Variants in RALGPS1 observed in about 807,000 individuals in gnomAD.
RALGPS1 encodes the protein ras-specific guanine nucleotide-releasing factor RalGPS1.
In RALGPS1, 19 loss-of-function variants were observed where a neutral mutation model predicts 78.8. The observed-to-expected ratio is 0.24, with a 90% confidence interval of 0.17 to 0.35. The LOEUF is 0.35. RALGPS1 is among the 10% of genes least tolerant of loss of function. The probability of loss-of-function intolerance (pLI) is 1.00; values close to 1 mark genes in which losing one functional copy is unlikely to be tolerated. For missense variants in RALGPS1, 454 were observed against 688.3 expected (o/e 0.66, Z 3.81); for synonymous variants, 228 against 256.3 (o/e 0.89, Z 1.06).
At chr9:127,028,673 A>G (rs935949321) in intron 4 of RALGPS1, among the ~76,000 whole-genome samples, 11 of 152,196 alleles carry the variant, frequency 7.2e-5, no homozygotes, top group Non-Finnish European at 1.2e-4. Flanking sequence ...CCCTTTGAGC[A>G]TTATTTAATT....
intron 4 of RALGPS1, among the ~76,000 whole-genome samples, chr9:127,019,163 G>A (rs1009867705): frequency 6.6e-6 from 1 of 152,116 alleles, no homozygotes; most frequent in African/African-American, 2.4e-5. Flanking sequence ...AAGGTCCATT[G>A]TATGTAATGA....
At chr9:127,157,715 AG>A (rs1327627415) in intron 8 of RALGPS1, among the ~76,000 whole-genome samples, 1 of 152,116 alleles carries the variant, frequency 6.6e-6, no homozygotes, top group Admixed American at 6.5e-5. Flanking sequence ...TTATTCTAAT[AG>A]TTTTTCAGTT....
In RALGPS1 at chr9:127,218,544, G is replaced by A. The variant is rs1554882901; in HGVS notation, c.1645-196G>A. On this transcript the variant is annotated intron_variant, in intron 18 of 18. Coordinates refer to ENST00000259351, the MANE Select transcript of RALGPS1 (RefSeq NM_014636.3). This position sits in a 1 kb window ranked among gnomAD's most constrained non-coding sequence, Gnocchi z 4.4. ...AGGACTCAAGAACGCAGTGCATGCG[G>A]TGGATTCAGAGCAGTGCCTGGCACG... Among the ~76,000 whole-genome samples, 1 of 152,196 alleles carries A rather than the reference G, an allele frequency of 6.6e-6. No homozygotes were observed. The highest frequency in any genetic ancestry group is 1.5e-5 in the Non-Finnish European group (1 of 68,040).
chr9:126,959,655 G>A (rs1459575508), intron 1 of RALGPS1, among the ~76,000 whole-genome samples: 1 of 151,244 alleles, frequency 6.6e-6, no homozygotes, highest in Non-Finnish European at 1.5e-5. Context: ...GCAGAGACTG[G>A]TACAATGAAC....
intron 7 of RALGPS1, 116 bp downstream of exon 7, chr9:127,053,055 A>G: frequency 1.3e-6 from 1 of 759,504 alleles, no homozygotes; most frequent in Admixed American, 2.1e-5. Context: ...CAACAGAGTT[A>G]CTATGAGTTG....
At chr9:127,123,586 A>C (rs1258929385) in intron 8 of RALGPS1, among the ~76,000 whole-genome samples, 1 of 152,122 alleles carries the variant, frequency 6.6e-6, no homozygotes, top group Non-Finnish European at 1.5e-5. Flanking sequence ...TTTTCATCAA[A>C]ATGTGACCTC....
Position 127,078,683 on chromosome 9 carries a change from T to C in RALGPS1, c.610+9327T>C, listed in dbSNP as rs536043409. On this transcript the variant is annotated intron_variant, in intron 8 of 18. Transcript: ENST00000259351. ...GGCAAAGGGAGGATCTGCAGTCAGC[T>C]TTTCTCTGGGTCAAGAAGTTGTGTC... Among the ~76,000 whole-genome samples, 10 of 152,284 alleles carry C rather than the reference T, an allele frequency of 6.6e-5. No individual in the cohort carries two copies. In the East Asian group the frequency reaches 1.9e-3, roughly 29 times the overall value.
At chr9:126,962,391 T>G in intron 2 of RALGPS1, 45 bp downstream of exon 2, 4 of 1,600,018 alleles carry the variant, frequency 2.5e-6, no homozygotes, top group Non-Finnish European at 3.4e-6. Flanking sequence ...AGGGGTCTCC[T>G]TTCAGCTAAC....
At chr9:127,184,505 T>C (rs1486034520) in intron 11 of RALGPS1, among the ~76,000 whole-genome samples, 1 of 152,120 alleles carries the variant, frequency 6.6e-6, no homozygotes, top group Non-Finnish European at 1.5e-5. Context: ...AGACTTTCTG[T>C]GCAGAGGGGC....
chr9:126,942,673 T>C (rs924620586), intron 1 of RALGPS1, among the ~76,000 whole-genome samples: 7 of 152,234 alleles, frequency 4.6e-5, no homozygotes, highest in African/African-American at 1.7e-4. Context: ...TTAGCTGTTT[T>C]TAATTATTCT....
At chr9:127,105,061 A>G (rs1381634106) in intron 8 of RALGPS1, among the ~76,000 whole-genome samples, 1 of 152,106 alleles carries the variant, frequency 6.6e-6, no homozygotes, top group South Asian at 2.1e-4. Flanking sequence ...ACCCTCCCCC[A>G]GCTGCTCTCT....
chr9:127,185,474 C>T (rs2060585340), intron 11 of RALGPS1, among the ~76,000 whole-genome samples: 1 of 152,212 alleles, frequency 6.6e-6, no homozygotes, highest in Non-Finnish European at 1.5e-5. Flanking sequence ...TGGGCAAGTT[C>T]CTGAACTCTT....
At chr9:127,192,089 G>A (rs1169448697) in intron 11 of RALGPS1, among the ~76,000 whole-genome samples, 1 of 152,240 alleles carries the variant, frequency 6.6e-6, no homozygotes, top group Non-Finnish European at 1.5e-5. Context: ...CGGTGACATG[G>A]TTAGCTTCAC....
intron 7 of RALGPS1, among the ~76,000 whole-genome samples, chr9:127,066,812 A>T (rs1405205693): frequency 1.3e-5 from 2 of 152,228 alleles, no homozygotes; most frequent in East Asian, 1.9e-4. Flanking sequence ...ATTCATTTAT[A>T]ATAATAATAA....
At chr9:127,045,750 C>CACACAT (rs1444995387) in intron 5 of RALGPS1, among the ~76,000 whole-genome samples, 10 of 97,294 alleles carry the variant, frequency 1.0e-4, no homozygotes, top group African/African-American at 4.0e-4. Context: ...CACACACACA[C>CACACAT]ACACACACAC....
chr9:126,972,522 A>G (rs2040213968), intron 3 of RALGPS1, among the ~76,000 whole-genome samples: 1 of 152,234 alleles, frequency 6.6e-6, no homozygotes, highest in Non-Finnish European at 1.5e-5. Flanking sequence ...CACTAACATT[A>G]CAAAAGGAGA....
chr9:126,995,894 A>G (rs1282439013), intron 4 of RALGPS1, among the ~76,000 whole-genome samples: 1 of 152,034 alleles, frequency 6.6e-6, no homozygotes. Context: ...AAACCACTCA[A>G]CTACATGGAA....
intron 4 of RALGPS1, among the ~76,000 whole-genome samples, chr9:127,031,204 T>G (rs1042762965): frequency 6.6e-6 from 1 of 152,250 alleles, no homozygotes; most frequent in Non-Finnish European, 1.5e-5. Flanking sequence ...TAAATTACAC[T>G]CAAATAAGTT....
intron 4 of RALGPS1, among the ~76,000 whole-genome samples, chr9:127,019,290 G>A (rs1207732602): frequency 6.6e-6 from 1 of 151,914 alleles, no homozygotes; most frequent in Non-Finnish European, 1.5e-5. Context: ...TCTTTTTTCT[G>A]TTGTTGCATG....
Sources: allele counts gnomAD v4.1 joint callset (sites outside exome capture counted in the v4.1 genomes callset), GRCh38; gene constraint gnomAD v4.1.1; non-coding constraint Gnocchi (gnomAD v3.1); transcripts MANE v1.5; gene names NCBI Gene and HGNC (gene_info 2026-07-23, HGNC 2026-07-21).